The following PBX4 variants were observed in gnomAD, a reference collection of about 807,000 sequenced individuals.
The protein encoded by PBX4 is PBX homeobox 4, also known as pre-B-cell leukemia transcription factor 4.
A neutral mutation model predicts 35.1 loss-of-function variants in PBX4; 26 were observed. The ratio of observed to expected loss-of-function variants is 0.74; its 90% CI spans 0.54 to 1.03. The LOEUF (loss-of-function observed/expected upper bound fraction) is 1.03, where lower values mean the gene tolerates loss of function less well. Ranked by LOEUF, PBX4 falls within the 50% of genes least tolerant of loss-of-function variation. The pLI, the probability that PBX4 is intolerant of heterozygous loss-of-function variation, is 0.00. For missense variants in PBX4, 448 were observed against 504.3 expected (o/e 0.89, Z 1.07); for synonymous variants, 199 against 204.2 (o/e 0.97, Z 0.22).
At chr19:19,567,611 G>A (rs908502349) in intron 5 of PBX4, among the ~76,000 whole-genome samples, 4 of 152,164 alleles carry the variant, frequency 2.6e-5, no homozygotes, top group African/African-American at 4.8e-5. Flanking sequence ...ATGCTGCCAC[G>A]GGGGTATGGC....
chr19:19,563,740 C>T lies in PBX4; in HGVS notation c.926-125G>A. The T allele has an allele frequency of 2.5e-6, 2 of 791,042 alleles. No homozygotes were observed. Among genetic ancestry groups the T allele is most frequent in the Non-Finnish European group, 4.3e-6 (2 of 462,856 alleles). The allele number at this position is 791,042 out of a possible 1,614,324, so 49.0% of individuals were successfully genotyped here. A position where few individuals can be genotyped will look rare whatever the true frequency, so the allele number is the denominator to read the frequency against. The stretch of plus-strand genomic sequence containing the variant: ...GCCCCTCCTCAGCATCCGGCCTCTG[C>T]TCCTCAGCCCCCACCCAGGCAGGCC... On this transcript the variant is annotated intron_variant, in intron 6 of 7. Coordinates refer to ENST00000251203, the MANE Select transcript of PBX4 (RefSeq NM_025245.3). This position sits in a 1 kb window ranked among gnomAD's most constrained non-coding sequence, Gnocchi z 5.1.
In PBX4 at chr19:19,570,654, A is replaced by G. The variant is rs200628306; in HGVS notation, c.373T>C (p.Ser125Pro). The change falls in exon 3 of 8, where the codon TCT becomes CCT. Residue 125 changes from serine to proline, a missense_variant. By Grantham distance (74) the Ser-to-Pro change is moderately conservative. Transcript: ENST00000251203. ...TGGGACAGCTTGGCCCTGTAGTCAGAGTGCTCAATGCTATTGTCATTTGGA... is the reference window on the plus strand; with the variant it reads ...TGGGACAGCTTGGCCCTGTAGTCAGGGTGCTCAATGCTATTGTCATTTGGA... ...GCPNDNSIEHSDYRAKLSQIR... is the reference protein window; with the variant it reads ...GCPNDNSIEHPDYRAKLSQIR... 4.6e-5 allele frequency: 74 copies of G among 1,614,054 alleles called. No homozygotes were observed. The highest frequency in any genetic ancestry group is 5.9e-5 in the Non-Finnish European group (70 of 1,180,044).
chr19:19,599,279 C>T lies in PBX4; in HGVS notation c.193+13G>A. The T allele has an allele frequency of 6.2e-7, 1 of 1,607,838 alleles. No homozygotes were observed. The highest frequency in any genetic ancestry group is 8.5e-7 in the Non-Finnish European group (1 of 1,175,512). ...ACCACGCTCGGCCAGAAAGTGTCTT[C>T]TAAACAGCCTACCTGTCTTTTCCTT... On this transcript the variant is annotated intron_variant, in intron 2 of 7. Transcript: ENST00000251203.
intron 2 of PBX4, among the ~76,000 whole-genome samples, chr19:19,595,373 G>A (rs1449563742): frequency 6.6e-6 from 1 of 152,118 alleles, no homozygotes; most frequent in Non-Finnish European, 1.5e-5. Context: ...GGGCTCATTC[G>A]GGTACAGGGC....
At chr19:19,611,678 CAAAAA>C (rs1344348105) in intron 1 of PBX4, among the ~76,000 whole-genome samples, 2 of 53,640 alleles carry the variant, frequency 3.7e-5, no homozygotes, top group Non-Finnish European at 3.8e-5. Flanking sequence ...GATTCTGTCT[CAAAAA>C]AAAAAAAAAA....
chr19:19,591,900 G>A (rs983425646), intron 2 of PBX4, among the ~76,000 whole-genome samples: 1 of 152,062 alleles, frequency 6.6e-6, no homozygotes, highest in Non-Finnish European at 1.5e-5. Flanking sequence ...TCACTTTGTC[G>A]CCCAAGCTGG....
In PBX4 at chr19:19,618,563, G is replaced by C; in HGVS notation, c.67C>G (p.Leu23Val). The change falls in exon 1 of 8, where the codon CTG (leucine) becomes GTG (valine). Residue 23 changes from leucine (L) to valine (V), a missense_variant. Transcript: ENST00000251203. ...TCGGTGATGGCCATGATCTGCTGCA[G>C]GACGTCGCTCGTGTCGAGGCGCCGC... ...APRRLDTSDVLQQIMAITDQS... is the reference protein window; with the variant it reads ...APRRLDTSDVVQQIMAITDQS... 7.2e-7 allele frequency: 1 copy of C among 1,392,742 alleles called. No homozygotes were observed. Among genetic ancestry groups the C allele is most frequent in the Non-Finnish European group, 9.4e-7 (1 of 1,066,338 alleles). The allele number at this position is 1,392,742 out of a possible 1,614,324, so 86.3% of individuals were successfully genotyped here.
At chr19:19,573,386 C>T (rs2061399407) in intron 2 of PBX4, among the ~76,000 whole-genome samples, 1 of 145,960 alleles carries the variant, frequency 6.9e-6, no homozygotes, top group African/African-American at 2.5e-5. Context: ...GGATAGTGTC[C>T]CACCTTCTCC....
rs201145035 is a variant in PBX4, at chr19:19,569,444, G to T, written c.768+5C>A. On this transcript the variant is annotated splice_donor_5th_base_variant and intron_variant, in intron 5 of 7. Transcript: ENST00000251203. ...GTGGCGAGACGTGGCAGGAGAGAAC[G>T]TCACCTGGGAGATGGTGAGGCCGCC... is the stretch of plus-strand genomic sequence containing the variant. 30 of 1,608,624 alleles carry T rather than the reference G, an allele frequency of 1.9e-5. No homozygotes were observed. Among genetic ancestry groups the T allele is most frequent in the Non-Finnish European group, 2.4e-5 (28 of 1,178,050 alleles).
chr19:19,602,608 A>G (rs1254053981), intron 1 of PBX4, among the ~76,000 whole-genome samples: 1 of 152,066 alleles, frequency 6.6e-6, no homozygotes, highest in African/African-American at 2.4e-5. Context: ...TTTTTAAAAA[A>G]TGTTTTTGCA....
rs560992793 is a variant in PBX4, at chr19:19,570,419, T to C, written c.442-120A>G. The C allele has an allele frequency of 3.5e-6, 5 of 1,431,082 alleles. No individual in the cohort carries two copies. The East Asian group carries it at 9.4e-5, about 27-fold the overall frequency. 88.6% of individuals were successfully genotyped at this position (1,431,082 alleles called of 1,614,324 possible). A position where few individuals can be genotyped will look rare whatever the true frequency, so the allele number is the denominator to read the frequency against. ...TGTAGTTCACACACCGGCGGGTGAC[T>C]GTTAAGTAAATGGAAAGGGCTTTCA... On this transcript the variant is annotated intron_variant, in intron 3 of 7. Transcript: ENST00000251203.
chr19:19,613,074 C>T (rs8110266), intron 1 of PBX4, among the ~76,000 whole-genome samples: 68,570 of 151,566 alleles, frequency 0.45, 15,933 homozygotes, highest in African/African-American at 0.55. Context: ...CCTCCTGCCT[C>T]GGCCTCCCAA....
chr19:19,589,339 A>C (rs1432169583), intron 2 of PBX4, among the ~76,000 whole-genome samples: 1 of 151,852 alleles, frequency 6.6e-6, no homozygotes, highest in Non-Finnish European at 1.5e-5. Flanking sequence ...GAGGCAGGAG[A>C]ATGGCATGAA....
chr19:19,614,584 C>T (rs1416555534), intron 1 of PBX4, among the ~76,000 whole-genome samples: 2 of 150,800 alleles, frequency 1.3e-5, no homozygotes, highest in African/African-American at 2.4e-5. Context: ...GCTCACTAGC[C>T]GAGATCGCGC....
chr19:19,585,097 G>C (rs901870390), intron 2 of PBX4, among the ~76,000 whole-genome samples: 1 of 151,958 alleles, frequency 6.6e-6, no homozygotes, highest in African/African-American at 2.4e-5. Context: ...ACAGGCGCTA[G>C]AACAGGCTTT....
chr19:19,588,567 G>A (rs748792937), intron 2 of PBX4, among the ~76,000 whole-genome samples: 6 of 151,976 alleles, frequency 3.9e-5, no homozygotes, highest in Non-Finnish European at 4.4e-5. Flanking sequence ...GTGAGCCACC[G>A]TGTGGCCCAA....
Position 19,563,779 on chromosome 19 carries a change from C to T in PBX4, c.926-164G>A. ...CCCAGGCAGGCCAGCGGGCCCTCCC[C>T]ACCACACTACTCATGTCCCCTCATG... On this transcript the variant is annotated intron_variant, in intron 6 of 7. Coordinates refer to ENST00000251203, the MANE Select transcript of PBX4 (RefSeq NM_025245.3). This position sits in a 1 kb window ranked among gnomAD's most constrained non-coding sequence, Gnocchi z 5.1. 1.5e-6 allele frequency: 1 copy of T among 645,676 alleles called. No homozygotes were observed. The highest frequency in any genetic ancestry group is 2.8e-6 in the Non-Finnish European group (1 of 353,258). The allele number at this position is 645,676 out of a possible 1,614,324, so 40.0% of individuals were successfully genotyped here.
At chr19:19,570,481 G>A in intron 3 of PBX4, 105 bp downstream of exon 3, 3 of 1,523,302 alleles carry the variant, frequency 2.0e-6, no homozygotes, top group Non-Finnish European at 2.7e-6. Flanking sequence ...CCAACTGCAT[G>A]GACTCCCTGT....
intron 2 of PBX4, chr19:19,588,194 C>T: frequency 7.4e-7 from 1 of 1,345,348 alleles, no homozygotes; most frequent in Non-Finnish European, 1.1e-6. Context: ...CTGGATGGTG[C>T]ACTCCTTACA....
Sources: allele counts gnomAD v4.1 joint callset (sites outside exome capture counted in the v4.1 genomes callset), GRCh38; gene constraint gnomAD v4.1.1; non-coding constraint Gnocchi (gnomAD v3.1); transcripts MANE v1.5; gene names NCBI Gene and HGNC (gene_info 2026-07-23, HGNC 2026-07-21).